Variants in SMG6 observed in about 807,000 individuals in gnomAD.
The protein encoded by SMG6 is SMG6 nonsense mediated mRNA decay factor.
SMG6 carries 66 observed loss-of-function variants against 142.2 expected under a neutral mutation model. That is an observed-to-expected ratio of 0.46 (90% CI 0.38 to 0.57). The LOEUF (loss-of-function observed/expected upper bound fraction) is 0.57, where lower values mean the gene tolerates loss of function less well. SMG6 is among the 20% of genes least tolerant of loss of function. SMG6 has a pLI of 0.00. For synonymous variants in SMG6, 779 were observed against 702.4 expected, an observed-to-expected ratio of 1.11 and a Z score of -1.72; for missense variants, 1,793 against 1,832.0, an observed-to-expected ratio of 0.98 and a Z score of 0.39.
rs1370493644 is a variant in SMG6 at position 2,059,902 on chromosome 17, A to G, written c.*1590T>C. The G allele has an allele frequency of 6.4e-6, 1 of 157,178 alleles. No individual in the cohort carries two copies. Among genetic ancestry groups the G allele is most frequent in the Non-Finnish European group, 1.5e-5 (1 of 68,094 alleles). The allele number at this position is 157,178 out of a possible 1,614,324, so 9.7% of individuals were successfully genotyped here. ...AAACCAGTGCTGCAAACGGGACAGA[A>G]AGGAGAGCTGGGTCTCCCTCCCGAC... On this transcript the variant is annotated 3_prime_UTR_variant, in exon 19 of 19. Coordinates refer to ENST00000263073, the MANE Select transcript of SMG6 (RefSeq NM_017575.5).
chr17:2,100,785 G>C (rs576079172), intron 13 of SMG6, among the ~76,000 whole-genome samples: 2 of 151,928 alleles, frequency 1.3e-5, no homozygotes, highest in East Asian at 3.9e-4. Flanking sequence ...AGGCTCAAGA[G>C]ATCCCCCTGC....
rs1337678092 is a variant in SMG6 at position 2,293,052 on chromosome 17, G to GA, written c.2152-76dup. On this transcript the variant is annotated intron_variant, in intron 4 of 18. Coordinates refer to ENST00000263073, the MANE Select transcript of SMG6 (RefSeq NM_017575.5). Reference sequence around the variant, plus strand: ...AACCCTCAAAGGACAGGGATGGGGTGAAAATGACAATGTAGCACTCGTAAG... The same window carrying GA: ...AACCCTCAAAGGACAGGGATGGGGTGAAAAATGACAATGTAGCACTCGTAAG... 6 of 1,061,416 alleles carry GA rather than the reference G, an allele frequency of 5.7e-6. No homozygotes were observed. In the African/African-American group the frequency reaches 7.8e-5, roughly 14 times the overall value. 65.7% of individuals were successfully genotyped at this position (1,061,416 alleles called of 1,614,324 possible).
At chr17:2,196,256 T>C (rs144300929) in intron 10 of SMG6, among the ~76,000 whole-genome samples, 2,582 of 152,218 alleles carry the variant, frequency 0.017, 68 homozygotes, top group African/African-American at 0.058. Context: ...ACCCTGTTTC[T>C]ACTAAAAATA....
chr17:2,182,544 G>A (rs1321250428), intron 12 of SMG6, among the ~76,000 whole-genome samples: 2 of 152,050 alleles, frequency 1.3e-5, no homozygotes, highest in Non-Finnish European at 2.9e-5. Flanking sequence ...AAGAAAAGGG[G>A]AAGAATCAGA....
chr17:2,186,554 G>A (rs2270478), intron 12 of SMG6, 109 bp downstream of exon 12: 408,604 of 1,246,724 alleles, frequency 0.33, 69,683 homozygotes, highest in African/African-American at 0.51. Context: ...GAAATAGAGA[G>A]GCAGGCAGGC....
In SMG6 at chr17:2,299,342, T is replaced by C; in HGVS notation, c.1411A>G (p.Thr471Ala). 1 of 1,613,972 alleles carries C rather than the reference T, an allele frequency of 6.2e-7. No homozygotes were observed. The highest frequency in any genetic ancestry group is 1.1e-5 in the South Asian group (1 of 91,080). ...GTGTCCAAGAAATGTAGCTGGGGCGTCTGAGTCTTTAGAGCAGGTTTCTGA... is the reference window on the plus strand; with the variant it reads ...GTGTCCAAGAAATGTAGCTGGGGCGCCTGAGTCTTTAGAGCAGGTTTCTGA... ...PDQKPALKTQ[T>A]PQLHFLDTDD... The change falls in exon 2 of 19, where the codon ACG (threonine) becomes GCG (alanine). Residue 471 changes from threonine (T) to alanine (A), a missense_variant. This residue lies in a region of SMG6 where 1,597 missense variants were observed against 1,584.6 expected (regional missense o/e 1.01). Coordinates refer to ENST00000263073, the MANE Select transcript of SMG6 (RefSeq NM_017575.5). The surrounding 1 kb of genome is among the most constrained non-coding windows in gnomAD (Gnocchi z 4.3).
chr17:2,216,424 T>C (rs1012893268), intron 10 of SMG6, among the ~76,000 whole-genome samples: 1 of 152,194 alleles, frequency 6.6e-6, no homozygotes, highest in East Asian at 1.9e-4. Flanking sequence ...TACTGTAACA[T>C]TACCATCTCA....
At chr17:2,237,877 C>T (rs1444302912) in intron 9 of SMG6, among the ~76,000 whole-genome samples, 2 of 152,182 alleles carry the variant, frequency 1.3e-5, no homozygotes, top group South Asian at 2.1e-4. Flanking sequence ...CCAAACAATT[C>T]GTGGTCACCA....
intron 13 of SMG6, among the ~76,000 whole-genome samples, chr17:2,119,806 C>T (rs920956264): frequency 1.1e-4 from 17 of 152,148 alleles, no homozygotes; most frequent in African/African-American, 2.9e-4. Context: ...GGGCTACAGA[C>T]GCCCGCTGCC....
chr17:2,233,755 G>A (rs911408626), intron 10 of SMG6: 3 of 150,742 alleles, frequency 2.0e-5, no homozygotes, highest in African/African-American at 4.9e-5. Flanking sequence ...GACCAAAGAT[G>A]ATGACTCATG....
intron 18 of SMG6, chr17:2,061,845 C>CAT (rs2151377437): frequency 3.8e-6 from 2 of 528,594 alleles, no homozygotes; most frequent in Non-Finnish European, 6.8e-6. Flanking sequence ...TCCGGCCTCC[C>CAT]ATACAGGACT....
intron 10 of SMG6, among the ~76,000 whole-genome samples, chr17:2,216,455 T>G (rs984921630): frequency 3.9e-5 from 6 of 152,310 alleles, no homozygotes; most frequent in Non-Finnish European, 8.8e-5. Flanking sequence ...GATGACTTCA[T>G]CATCATGGAA....
At chr17:2,234,494 C>T (rs1490731213) in intron 10 of SMG6, among the ~76,000 whole-genome samples, 2 of 151,928 alleles carry the variant, frequency 1.3e-5, no homozygotes. Flanking sequence ...ATCTCCTGAC[C>T]TCAGGTGATC....
chr17:2,205,100 G>A lies in SMG6; in HGVS notation c.2870-16585C>T, dbSNP rs149336943. Among the ~76,000 whole-genome samples the A allele has an allele frequency of 2.8e-4, 42 of 151,850 alleles. No homozygotes were observed. In the East Asian group the frequency reaches 7.4e-3, roughly 27 times the overall value. ...GGTTTTTTTTCTGAGACTGAGTCTC[G>A]CTTTGTCACCCAGGCTGGAGTGCAA... On this transcript the variant is annotated intron_variant, in intron 10 of 18. Coordinates refer to ENST00000263073, the MANE Select transcript of SMG6 (RefSeq NM_017575.5).
At chr17:2,084,859 C>G (rs966629216) in intron 14 of SMG6, among the ~76,000 whole-genome samples, 1 of 152,196 alleles carries the variant, frequency 6.6e-6, no homozygotes, top group African/African-American at 2.4e-5. Flanking sequence ...TACCCACACC[C>G]AGACACACAG....
chr17:2,088,447 A>AT, intron 13 of SMG6: 1 of 985,330 alleles, frequency 1.0e-6, no homozygotes, highest in Non-Finnish European at 1.2e-6. Flanking sequence ...TTTCCGCCCC[A>AT]TTTAGAAGGA....
At chr17:2,291,514 G>A (rs930013702) in intron 6 of SMG6, among the ~76,000 whole-genome samples, 5 of 152,032 alleles carry the variant, frequency 3.3e-5, no homozygotes, top group African/African-American at 7.2e-5. Context: ...AACCCATCAC[G>A]GAGAATGAGA....
At chr17:2,168,177 G>GT (rs918800737) in intron 13 of SMG6, among the ~76,000 whole-genome samples, 12 of 151,788 alleles carry the variant, frequency 7.9e-5, no homozygotes, top group South Asian at 6.3e-4. Flanking sequence ...CCTTTTGCAG[G>GT]TTTTTTTTAA....
intron 6 of SMG6, among the ~76,000 whole-genome samples, chr17:2,285,437 A>C (rs1263666085): frequency 2.0e-5 from 3 of 152,204 alleles, no homozygotes; most frequent in Non-Finnish European, 2.9e-5. Context: ...AAATGACAAA[A>C]AGCCATTGAG....
Sources: allele counts gnomAD v4.1 joint callset (sites outside exome capture counted in the v4.1 genomes callset), GRCh38; gene constraint gnomAD v4.1.1; regional missense constraint gnomAD v4.1.1; non-coding constraint Gnocchi (gnomAD v3.1); transcripts MANE v1.5; gene names NCBI Gene and HGNC (gene_info 2026-07-23, HGNC 2026-07-21).